The following SACM1L variants were observed in gnomAD, a reference collection of about 807,000 sequenced individuals.
SACM1L encodes phosphatidylinositol-3-phosphatase SAC1.
In SACM1L, 32 loss-of-function variants were observed where a neutral mutation model predicts 89.5. The ratio of observed to expected loss-of-function variants is 0.36; its 90% confidence interval spans 0.27 to 0.48. The LOEUF (loss-of-function observed/expected upper bound fraction) is 0.48. Among genes scored for constraint, SACM1L ranks in the 20% least tolerant of loss-of-function variants. SACM1L has a pLI of 0.99. For missense variants in SACM1L, 543 were observed against 708.5 expected (o/e 0.77, Z 2.65); for synonymous variants, 213 against 232.8 (o/e 0.92, Z 0.77).
chr3:45,718,294 TAAAAA>T (rs5848764), intron 7 of SACM1L, among the ~76,000 whole-genome samples: 12 of 148,496 alleles, frequency 8.1e-5, no homozygotes, highest in Non-Finnish European at 1.5e-4. Context: ...CCTGTTATGT[TAAAAA>T]AAAAAAAAAG....
chr3:45,697,268 C>CTTTTTT (rs1559535250), intron 1 of SACM1L, among the ~76,000 whole-genome samples: 5 of 110,600 alleles, frequency 4.5e-5, no homozygotes, highest in Non-Finnish European at 8.9e-5. Context: ...CTTTTCTTTT[C>CTTTTTT]CTTTTTTTTT....
chr3:45,711,444 T>C (rs573014605), intron 5 of SACM1L, among the ~76,000 whole-genome samples: 37 of 152,074 alleles, frequency 2.4e-4, no homozygotes, highest in African/African-American at 4.6e-4. Context: ...CTGGGCAACA[T>C]AGGGAGACCA....
In SACM1L at chr3:45,689,465, G is replaced by A; in HGVS notation, c.-1G>A. 6.3e-7 allele frequency: 1 copy of A among 1,575,216 alleles called. No individual in the cohort carries two copies. Among genetic ancestry groups the A allele is most frequent in the East Asian group, 2.3e-5 (1 of 43,148 alleles). Reference sequence around the variant, plus strand: ...GAGAAGGAAGGAGGTGGTTGTGCAGGATGGCGACGGCGGCCTACGAGCAGC... The same window carrying A: ...GAGAAGGAAGGAGGTGGTTGTGCAGAATGGCGACGGCGGCCTACGAGCAGC... On this transcript the variant is annotated 5_prime_UTR_variant, in exon 1 of 20. Transcript: ENST00000389061.
Position 45,706,839 on chromosome 3 carries a change from G to C in SACM1L, c.265G>C (p.Val89Leu). The C allele has an allele frequency of 6.2e-7, 1 of 1,612,916 alleles. No homozygotes were observed. The highest frequency in any genetic ancestry group is 8.5e-7 in the Non-Finnish European group (1 of 1,179,172). Residue 89 changes from valine to leucine, a missense_variant, in exon 4 of 20, where the codon GTC (valine) becomes CTC (leucine). Val to Leu is a conservative substitution (Grantham distance 32). Transcript: ENST00000389061. ...AGTAGGTGAATTTTTCAGTCATGTA[G>C]TCTGGAAAGCAACAGATTTTGATGT... is the stretch of plus-strand genomic sequence containing the variant. ...IKVGEFFSHV[V>L]WKATDFDVLS...
At chr3:45,725,592 A>T (rs1214412937) in intron 11 of SACM1L, among the ~76,000 whole-genome samples, 1 of 151,158 alleles carries the variant, frequency 6.6e-6, no homozygotes, top group African/African-American at 2.4e-5. Flanking sequence ...TCTCCAATTG[A>T]TATTTTGCAG....
At chr3:45,735,466 C>A (rs1331635657) in intron 14 of SACM1L, 93 bp downstream of exon 14, 2 of 1,241,776 alleles carry the variant, frequency 1.6e-6, no homozygotes, top group Non-Finnish European at 2.2e-6. Flanking sequence ...TCACATTGCC[C>A]ACACCCTAAC....
chr3:45,734,462 T>G (rs1485549229), intron 13 of SACM1L: 17 of 151,950 alleles, frequency 1.1e-4, no homozygotes, highest in Admixed American at 1.1e-3. Context: ...TAAAAAAAAT[T>G]TTTTTTAATT....
chr3:45,703,326 A>G, intron 1 of SACM1L, 112 bp from the exon 2 acceptor site: 1 of 684,402 alleles, frequency 1.5e-6, no homozygotes. Flanking sequence ...TCATCCTTTT[A>G]GAAGCTGGGA....
At position 45,689,418 on chromosome 3, in the gene SACM1L, CGCGGGGCGGG is replaced by C; in HGVS notation, c.-42_-33del. 6.4e-7 allele frequency: 1 copy of C among 1,557,360 alleles called. No individual in the cohort carries two copies. Among genetic ancestry groups the C allele is most frequent in the Non-Finnish European group, 8.7e-7 (1 of 1,151,090 alleles). The stretch of plus-strand genomic sequence containing the variant: ...GGTAGAGTTGTAGCCGAGGTGGCGG[CGCGGGGCGGG>C]GCGGGCGGAGAGAGAAGGAAGGAGG... On this transcript the variant is annotated 5_prime_UTR_variant, in exon 1 of 20. Transcript: ENST00000389061.
At position 45,703,449 on chromosome 3, in the gene SACM1L, C is replaced by T. The variant is rs754189139; in HGVS notation, c.44C>T (p.Pro15Leu). The T allele has an allele frequency of 5.6e-6, 9 of 1,611,590 alleles. No homozygotes were observed. In the South Asian group the frequency reaches 9.9e-5, roughly 18 times the overall value. ...ACATTTCTTCTTAGGCATATCACAC[C>T]TGAAAAATTTTATGTGGAAGCTTGT... ...AYEQLKLHIT[P>L]EKFYVEACDD... Residue 15 changes from proline to leucine, a missense_variant, in exon 2 of 20, where the codon CCT becomes CTT. Pro to Leu is a moderately conservative substitution (Grantham distance 98). Around this residue, in one of 2 missense-constraint regions of SACM1L, gnomAD observed 173 missense variants for 180.9 expected, o/e 0.96. Transcript: ENST00000389061.
At chr3:45,721,913 C>G (rs1176904292) in intron 8 of SACM1L, 87 bp from the exon 9 acceptor site, 2 of 844,140 alleles carry the variant, frequency 2.4e-6, no homozygotes, top group East Asian at 5.2e-5. Context: ...TGACTTAATT[C>G]TCTCCAAGTT....
At chr3:45,722,174 C>G (rs992263150) in intron 9 of SACM1L, 89 bp downstream of exon 9, 2 of 799,318 alleles carry the variant, frequency 2.5e-6, no homozygotes, top group African/African-American at 3.6e-5. Context: ...TCCCTCTTTT[C>G]CCTTCTCTGT....
intron 1 of SACM1L, among the ~76,000 whole-genome samples, chr3:45,697,269 C>CTTTTTT (rs869095037): frequency 0.016 from 1,478 of 91,996 alleles, 46 homozygotes; most frequent in Non-Finnish European, 0.024. Context: ...TTTTCTTTTC[C>CTTTTTT]TTTTTTTTTT....
intron 1 of SACM1L, among the ~76,000 whole-genome samples, chr3:45,700,932 A>C (rs144383279): frequency 0.02 from 3,025 of 152,298 alleles, 92 homozygotes; most frequent in African/African-American, 0.07. Flanking sequence ...TGGGCCTCCC[A>C]AAGTGGTGGG....
In SACM1L at chr3:45,700,891, C is replaced by G. The variant is rs531105645; in HGVS notation, c.33-2547C>G. On this transcript the variant is annotated intron_variant, in intron 1 of 19. Coordinates refer to ENST00000389061, the MANE Select transcript of SACM1L (RefSeq NM_014016.5). Reference sequence around the variant, plus strand: ...TTCACCATGTTGGCCAGGCTGGTCTCGAACACCTGACCTTAAATGATCCAC... The same window carrying G: ...TTCACCATGTTGGCCAGGCTGGTCTGGAACACCTGACCTTAAATGATCCAC... 2.6e-5 allele frequency among the ~76,000 whole-genome samples: 4 copies of G among 152,304 alleles called. No homozygotes were observed. In the East Asian group the frequency reaches 7.7e-4, roughly 29 times the overall value.
Position 45,736,113 on chromosome 3 carries a change from A to G in SACM1L, c.1239+740A>G, listed in dbSNP as rs571815334. ...TCAAACCCCTGGGCTCAAGCAGTCT[A>G]CCTGCCTCAGCTCCCAAAGTGCTGG... On this transcript the variant is annotated intron_variant, in intron 14 of 19. Coordinates refer to ENST00000389061, the MANE Select transcript of SACM1L (RefSeq NM_014016.5). Among the ~76,000 whole-genome samples, 21 of 152,200 alleles carry G rather than the reference A, an allele frequency of 1.4e-4. No individual in the cohort carries two copies. In the East Asian group the frequency reaches 2.3e-3, roughly 17 times the overall value.
chr3:45,697,105 G>A (rs1698145719), intron 1 of SACM1L, among the ~76,000 whole-genome samples: 1 of 151,618 alleles, frequency 6.6e-6, no homozygotes, highest in South Asian at 2.1e-4. Flanking sequence ...GTTCATAGCA[G>A]CATTATTCAC....
chr3:45,689,602 G>A lies in SACM1L; in HGVS notation c.32+105G>A, dbSNP rs887406767. On this transcript the variant is annotated intron_variant, in intron 1 of 19. Transcript: ENST00000389061. ...AGTCCCGGATTGCAGATAGGGTGTG[G>A]GAGCTCCTCGCATTTACCGGTTTTC... 3.0e-6 allele frequency: 4 copies of A among 1,315,814 alleles called. No homozygotes were observed. In the African/African-American group the frequency reaches 5.8e-5, roughly 19 times the overall value. The allele number at this position is 1,315,814 out of a possible 1,614,324, so 81.5% of individuals were successfully genotyped here. A position where few individuals can be genotyped will look rare whatever the true frequency, so the allele number is the denominator to read the frequency against.
chr3:45,744,423 T>G lies in SACM1L; in HGVS notation c.*754T>G, dbSNP rs73060324. On this transcript the variant is annotated 3_prime_UTR_variant, in exon 20 of 20. Coordinates refer to ENST00000389061, the MANE Select transcript of SACM1L (RefSeq NM_014016.5). ...TAGAGGTCCAAAGCTGCCTCTGTTT[T>G]AAAGATTATCCCAATGTGGAAGATG... 9,417 of 152,790 alleles carry G rather than the reference T, an allele frequency of 0.062. 381 individuals carry two copies. The highest frequency in any genetic ancestry group is 0.092 in the Non-Finnish European group (6,290 of 68,026). 9.5% of individuals were successfully genotyped at this position (152,790 alleles called of 1,614,324 possible).
Sources: allele counts gnomAD v4.1 joint callset (sites outside exome capture counted in the v4.1 genomes callset), GRCh38; gene constraint gnomAD v4.1.1; regional missense constraint gnomAD v4.1.1; transcripts MANE v1.5; gene names NCBI Gene and HGNC (gene_info 2026-07-23, HGNC 2026-07-21).